The following TBX20 variants were observed in gnomAD, a reference collection of about 807,000 sequenced individuals.
TBX20 encodes T-box transcription factor TBX20.
A neutral mutation model predicts 42.9 loss-of-function variants in TBX20; 8 were observed. That is an observed-to-expected ratio of 0.19 (90% CI 0.11 to 0.34). The LOEUF is 0.34. Ranked by LOEUF, TBX20 falls within the 10% of genes least tolerant of loss-of-function variation. The pLI, the probability that TBX20 is intolerant of heterozygous loss-of-function variation, is 1.00. For missense variants in TBX20, 411 were observed against 566.0 expected (o/e 0.73, Z 2.78); for synonymous variants, 198 against 222.8 (o/e 0.89, Z 0.99).
chr7:35,236,949 A>G (rs1359637865), intron 5 of TBX20, among the ~76,000 whole-genome samples: 3 of 152,112 alleles, frequency 2.0e-5, no homozygotes, highest in Non-Finnish European at 4.4e-5. Context: ...TTGCCAAAGG[A>G]GCAACTTGTG....
intron 6 of TBX20, among the ~76,000 whole-genome samples, chr7:35,219,488 C>A (rs918250711): frequency 2.6e-5 from 4 of 152,120 alleles, no homozygotes; most frequent in Non-Finnish European, 5.9e-5. Flanking sequence ...AGGTAAAAAA[C>A]CATTCTTAGC....
At chr7:35,216,326 T>C (rs1789589032) in intron 6 of TBX20, among the ~76,000 whole-genome samples, 2 of 152,082 alleles carry the variant, frequency 1.3e-5, no homozygotes, top group South Asian at 4.1e-4. Context: ...CCTAGTGAAG[T>C]GGTTAGGGGC....
intron 3 of TBX20, among the ~76,000 whole-genome samples, chr7:35,247,420 T>C (rs74598823): frequency 6.6e-6 from 1 of 152,130 alleles, no homozygotes; most frequent in African/African-American, 2.4e-5. Context: ...TTGACTGTTA[T>C]TTAATATACT....
intron 6 of TBX20, among the ~76,000 whole-genome samples, chr7:35,207,446 T>C (rs1165305480): frequency 6.6e-6 from 1 of 152,222 alleles, no homozygotes. Context: ...GCGTTTTCTC[T>C]TTCCTAAACA....
At chr7:35,235,673 T>C (rs1470410177) in intron 5 of TBX20, among the ~76,000 whole-genome samples, 2 of 152,216 alleles carry the variant, frequency 1.3e-5, no homozygotes, top group Non-Finnish European at 2.9e-5. Flanking sequence ...CCCTGCTTTT[T>C]CGTGTATTTA....
At chr7:35,214,533 C>A (rs552054175) in intron 6 of TBX20, among the ~76,000 whole-genome samples, 3 of 152,112 alleles carry the variant, frequency 2.0e-5, no homozygotes, top group Admixed American at 6.5e-5. Flanking sequence ...TGGCATAACA[C>A]GGACCCTAAT....
chr7:35,224,438 C>T (rs577179614), intron 6 of TBX20, among the ~76,000 whole-genome samples: 9 of 152,220 alleles, frequency 5.9e-5, no homozygotes, highest in Admixed American at 3.9e-4. Flanking sequence ...TTTGGGAGGC[C>T]GAGGCAGGCG....
intron 4 of TBX20, among the ~76,000 whole-genome samples, chr7:35,241,833 A>G (rs1259542464): frequency 2.0e-5 from 3 of 152,332 alleles, no homozygotes; most frequent in East Asian, 3.9e-4. Flanking sequence ...TTTTTCATAT[A>G]TCTTTTAAAT....
At chr7:35,243,048 A>G (rs1397465675) in intron 4 of TBX20, among the ~76,000 whole-genome samples, 1 of 152,062 alleles carries the variant, frequency 6.6e-6, no homozygotes, top group African/African-American at 2.4e-5. Context: ...CACAACCACA[A>G]CTCACTGCAG....
chr7:35,204,370 C>T (rs553616543), intron 7 of TBX20, 100 bp downstream of exon 7: 9 of 776,738 alleles, frequency 1.2e-5, no homozygotes, highest in South Asian at 8.7e-5. Context: ...TTCCCGGCAT[C>T]GTGTACTCTG....
chr7:35,207,684 T>A (rs1789422828), intron 6 of TBX20, among the ~76,000 whole-genome samples: 1 of 152,212 alleles, frequency 6.6e-6, no homozygotes, highest in African/African-American at 2.4e-5. Flanking sequence ...GAATTGTTTA[T>A]TTTTGTGCTT....
At position 35,221,963 on chromosome 7, in the gene TBX20, G is replaced by GAGT. The variant is rs768510715; in HGVS notation, c.890+9538_890+9540dup. ...AAACAAAAATTACTGGCTGAGGGAGGAGTAGTATCCTATTTTATAGGATAA... is the reference window on the plus strand; with the variant it reads ...AAACAAAAATTACTGGCTGAGGGAGGAGTAGTAGTATCCTATTTTATAGGATAA... On this transcript the variant is annotated intron_variant, in intron 6 of 7. Transcript: ENST00000408931. Among the ~76,000 whole-genome samples, 7 of 152,266 alleles carry GAGT rather than the reference G, an allele frequency of 4.6e-5. No individual in the cohort carries two copies. The East Asian group carries it at 1.3e-3, about 29-fold the overall frequency.
rs1400821250 is a variant in TBX20 at position 35,240,872 on chromosome 7, C to T, written c.813+7G>A. On this transcript the variant is annotated splice_region_variant and intron_variant, in intron 5 of 7. Coordinates refer to ENST00000408931, the MANE Select transcript of TBX20 (RefSeq NM_001077653.2). ...TGCAGGAACTAAATTGTGAACTGTACACTCACCAGTTGATTCTGGTAGGCA... is the reference window on the plus strand; with the variant it reads ...TGCAGGAACTAAATTGTGAACTGTATACTCACCAGTTGATTCTGGTAGGCA... 6.2e-7 allele frequency: 1 copy of T among 1,612,604 alleles called. No homozygotes were observed. Among genetic ancestry groups the T allele is most frequent in the African/African-American group, 1.3e-5 (1 of 74,876 alleles).
Position 35,244,955 on chromosome 7 carries a change from A to G in TBX20, c.648T>C (p.His216=), listed in dbSNP as rs1369009055. The part of the protein sequence containing the change: ...VKLTNNELDQ[H]GHIILNSMHK... ...TCCAAGGCATGGTACTTACATGGCC[A>G]TGTTGATCCAGTTCATTGTTGGTGA... is the stretch of plus-strand genomic sequence containing the variant. Residue 216 remains histidine, a synonymous_variant, in exon 4 of 8, where the codon CAT becomes CAC. Transcript: ENST00000408931. 6 of 1,612,476 alleles carry G rather than the reference A, an allele frequency of 3.7e-6. No homozygotes were observed. In the African/African-American group the frequency reaches 8.0e-5, roughly 22 times the overall value.
rs141993739 is a variant in TBX20 at position 35,221,217 on chromosome 7, C to T, written c.890+10287G>A. On this transcript the variant is annotated intron_variant, in intron 6 of 7. Coordinates refer to ENST00000408931, the MANE Select transcript of TBX20 (RefSeq NM_001077653.2). ...CAAGATTATTTAAGCAAAAATTATTCGTTGAGGGAGGAGAAGTACAAAAAA... is the reference window on the plus strand; with the variant it reads ...CAAGATTATTTAAGCAAAAATTATTTGTTGAGGGAGGAGAAGTACAAAAAA... Among the ~76,000 whole-genome samples, 696 of 146,528 alleles carry T rather than the reference C, an allele frequency of 4.7e-3. 6 individuals carry two copies. Among genetic ancestry groups the T allele is most frequent in the African/African-American group, 0.017 (657 of 39,612 alleles).
Position 35,244,958 on chromosome 7 carries a change from T to C in TBX20, c.645A>G (p.Gln215=). ...KVKLTNNELD[Q]HGHIILNSMH... ...AAGGCATGGTACTTACATGGCCATG[T>C]TGATCCAGTTCATTGTTGGTGAGTT... is the stretch of plus-strand genomic sequence containing the variant. The change falls in exon 4 of 8, where the codon CAA becomes CAG. Residue 215 remains glutamine, a synonymous_variant. Transcript: ENST00000408931. 1 of 1,613,064 alleles carries C rather than the reference T, an allele frequency of 6.2e-7. No individual in the cohort carries two copies. Among genetic ancestry groups the C allele is most frequent in the Non-Finnish European group, 8.5e-7 (1 of 1,179,094 alleles).
Position 35,249,068 on chromosome 7 carries a change from T to G in TBX20, c.381-227A>C, listed in dbSNP as rs1790253738. ...ATTTTAAGTGTCACCTTTAAGCAGGTGTTAATTGCTAGGTGAAAAGGTGGG... is the reference window on the plus strand; with the variant it reads ...ATTTTAAGTGTCACCTTTAAGCAGGGGTTAATTGCTAGGTGAAAAGGTGGG... On this transcript the variant is annotated intron_variant, in intron 2 of 7. Coordinates refer to ENST00000408931, the MANE Select transcript of TBX20 (RefSeq NM_001077653.2). This position sits in a 1 kb window ranked among gnomAD's most constrained non-coding sequence, Gnocchi z 4.3. Among the ~76,000 whole-genome samples the G allele has an allele frequency of 6.9e-6, 1 of 144,978 alleles. No individual in the cohort carries two copies. The highest frequency in any genetic ancestry group is 7.2e-5 in the Admixed American group (1 of 13,962).
Position 35,221,275 on chromosome 7 carries a change from AAT to A in TBX20, c.890+10227_890+10228del, listed in dbSNP as rs536761460. Among the ~76,000 whole-genome samples, 405 of 140,880 alleles carry A rather than the reference AAT, an allele frequency of 2.9e-3. 3 individuals carry two copies. The highest frequency in any genetic ancestry group is 4.7e-3 in the Non-Finnish European group (305 of 64,644). 92.4% of individuals were successfully genotyped at this position (140,880 alleles called of 152,430 possible). A position where few individuals can be genotyped will look rare whatever the true frequency, so the allele number is the denominator to read the frequency against. Reference sequence around the variant, plus strand: ...TATTTCCTATTATATAGGACAACAAAATATACACTTTCGGTCTGGCAAAAAAA... The same window carrying A: ...TATTTCCTATTATATAGGACAACAAAATACACTTTCGGTCTGGCAAAAAAA... On this transcript the variant is annotated intron_variant, in intron 6 of 7. Coordinates refer to ENST00000408931, the MANE Select transcript of TBX20 (RefSeq NM_001077653.2).
At chr7:35,218,626 TAA>T (rs1473084298) in intron 6 of TBX20, among the ~76,000 whole-genome samples, 4 of 152,242 alleles carry the variant, frequency 2.6e-5, no homozygotes, top group African/African-American at 9.6e-5. Context: ...TACTAATAAT[TAA>T]AGTTATTTCC....
Sources: allele counts gnomAD v4.1 joint callset (sites outside exome capture counted in the v4.1 genomes callset), GRCh38; gene constraint gnomAD v4.1.1; non-coding constraint Gnocchi (gnomAD v3.1); transcripts MANE v1.5; gene names NCBI Gene and HGNC (gene_info 2026-07-23, HGNC 2026-07-21).